Variants in MGMT observed in about 807,000 individuals in gnomAD.
MGMT encodes the protein methylated-DNA--protein-cysteine methyltransferase.
A neutral mutation model predicts 15.9 loss-of-function variants in MGMT; 14 were observed. That is an observed-to-expected ratio of 0.88 (90% CI 0.58 to 1.37). The LOEUF (loss-of-function observed/expected upper bound fraction) is 1.37. MGMT is among the 40% of genes most tolerant of loss of function. The pLI, the probability that MGMT is intolerant of heterozygous loss-of-function variation, is 0.00. For missense variants in MGMT, 282 were observed against 268.1 expected, an observed-to-expected ratio of 1.05 and a Z score of -0.36; for synonymous variants, 130 against 118.2, an observed-to-expected ratio of 1.10 and a Z score of -0.65.
rs532885803 is a variant in MGMT at position 129,707,840 on chromosome 10, G to A, written c.126-55G>A. The A allele has an allele frequency of 2.0e-5, 32 of 1,604,716 alleles. No individual in the cohort carries two copies. The East Asian group carries it at 2.5e-4, about 12-fold the overall frequency. ...AGATGCAGTAGGTGTTTGCTTTTCC[G>A]ATGTGTGGAGGCAGGGCCCAGAGGT... On this transcript the variant is annotated intron_variant, in intron 2 of 4. Coordinates refer to ENST00000651593, the MANE Select transcript of MGMT (RefSeq NM_002412.5).
Position 129,519,518 on chromosome 10 carries a change from C to T in MGMT, c.-12-16723C>T, listed in dbSNP as rs565525263. Reference sequence around the variant, plus strand: ...GGCCTTGCGGTGAGATGGAGCCTGTCGCTCCAGGAGCACGAGACCTTTACG... The same window carrying T: ...GGCCTTGCGGTGAGATGGAGCCTGTTGCTCCAGGAGCACGAGACCTTTACG... On this transcript the variant is annotated intron_variant, in intron 1 of 4. Transcript: ENST00000651593. Among the ~76,000 whole-genome samples, 29 of 152,306 alleles carry T rather than the reference C, an allele frequency of 1.9e-4. No homozygotes were observed. The South Asian group carries it at 4.4e-3, about 23-fold the overall frequency.
At chr10:129,684,360 G>A (rs967072866) in intron 2 of MGMT, among the ~76,000 whole-genome samples, 3 of 152,224 alleles carry the variant, frequency 2.0e-5, no homozygotes, top group African/African-American at 7.2e-5. Context: ...ATTGGGGATA[G>A]AGGGAGATGC....
At chr10:129,684,944 T>TC (rs1389208210) in intron 2 of MGMT, among the ~76,000 whole-genome samples, 7 of 152,252 alleles carry the variant, frequency 4.6e-5, no homozygotes, top group African/African-American at 1.7e-4. Context: ...AGATTCTTTC[T>TC]AAGCGATTTG....
chr10:129,743,366 C>T (rs143049607), intron 3 of MGMT, among the ~76,000 whole-genome samples: 17 of 152,304 alleles, frequency 1.1e-4, no homozygotes, highest in East Asian at 5.8e-4. Context: ...GTCACGCATC[C>T]GTTTTCAGGA....
chr10:129,742,458 G>C (rs973186852), intron 3 of MGMT, among the ~76,000 whole-genome samples: 1 of 151,798 alleles, frequency 6.6e-6, no homozygotes, highest in Non-Finnish European at 1.5e-5. Flanking sequence ...CCTCAGGGCC[G>C]GGGCATTCAG....
At chr10:129,729,710 A>G (rs1848474920) in intron 3 of MGMT, among the ~76,000 whole-genome samples, 1 of 152,214 alleles carries the variant, frequency 6.6e-6, no homozygotes, top group Admixed American at 6.5e-5. Flanking sequence ...GCGTGGCATA[A>G]TCCGTGTCCC....
intron 2 of MGMT, among the ~76,000 whole-genome samples, chr10:129,547,501 T>C (rs1846110202): frequency 6.6e-6 from 1 of 152,182 alleles, no homozygotes; most frequent in Non-Finnish European, 1.5e-5. Context: ...CATTGGTCCT[T>C]CTGCCGGCCT....
At chr10:129,479,565 C>T (rs1257323690) in intron 1 of MGMT, among the ~76,000 whole-genome samples, 1 of 152,050 alleles carries the variant, frequency 6.6e-6, no homozygotes, top group African/African-American at 2.4e-5. Context: ...CAAAGAGAAT[C>T]AGTCATGTTT....
At chr10:129,625,714 C>T (rs1168165922) in intron 2 of MGMT, among the ~76,000 whole-genome samples, 5 of 114,402 alleles carry the variant, frequency 4.4e-5, no homozygotes, top group Non-Finnish European at 9.2e-5. Context: ...AGCGTGTATA[C>T]GAGTGTGCAC....
chr10:129,543,209 C>T (rs1846063319), intron 2 of MGMT, among the ~76,000 whole-genome samples: 1 of 152,068 alleles, frequency 6.6e-6, no homozygotes, highest in Non-Finnish European at 1.5e-5. Context: ...AGCTCTTGGA[C>T]CTTAGTAAAA....
intron 3 of MGMT, among the ~76,000 whole-genome samples, chr10:129,711,339 AT>A (rs1848230584): frequency 6.6e-6 from 1 of 152,222 alleles, no homozygotes; most frequent in Non-Finnish European, 1.5e-5. Context: ...ATCTTGGGGA[AT>A]TTCCAAAGAC....
chr10:129,668,960 A>G (rs1847690048), intron 2 of MGMT, among the ~76,000 whole-genome samples: 1 of 152,110 alleles, frequency 6.6e-6, no homozygotes, highest in Non-Finnish European at 1.5e-5. Flanking sequence ...GCCTTTCCCT[A>G]CAGAAGTCTT....
intron 2 of MGMT, among the ~76,000 whole-genome samples, chr10:129,594,044 A>T (rs1273036761): frequency 6.6e-6 from 1 of 152,194 alleles, no homozygotes; most frequent in Non-Finnish European, 1.5e-5. Context: ...CTAAAGTCAC[A>T]GTTGGCAAGT....
intron 2 of MGMT, among the ~76,000 whole-genome samples, chr10:129,656,525 C>T (rs562506506): frequency 1.5e-4 from 23 of 152,340 alleles, no homozygotes; most frequent in Non-Finnish European, 2.8e-4. Context: ...TAAGGACATG[C>T]GCCTGTGACC....
chr10:129,590,993 G>A (rs927295951), intron 2 of MGMT, among the ~76,000 whole-genome samples: 4 of 152,200 alleles, frequency 2.6e-5, no homozygotes, highest in Non-Finnish European at 4.4e-5. Flanking sequence ...TGACGTAGTC[G>A]TTGGAAGTGT....
chr10:129,720,787 T>C (rs894629559), intron 3 of MGMT, among the ~76,000 whole-genome samples: 2 of 152,152 alleles, frequency 1.3e-5, no homozygotes, highest in Non-Finnish European at 2.9e-5. Context: ...GTCAACCCAT[T>C]TTCAGAGTTT....
chr10:129,652,822 C>T (rs1847477433), intron 2 of MGMT, among the ~76,000 whole-genome samples: 1 of 152,222 alleles, frequency 6.6e-6, no homozygotes, highest in Admixed American at 6.5e-5. Flanking sequence ...TGGGACCCTC[C>T]CAAGCGTGCC....
At chr10:129,501,901 AC>A (rs1460708720) in intron 1 of MGMT, among the ~76,000 whole-genome samples, 1 of 152,032 alleles carries the variant, frequency 6.6e-6, no homozygotes, top group African/African-American at 2.4e-5. Context: ...TTGGTCATGG[AC>A]TTGGTTTGGC....
chr10:129,480,498 A>G (rs1370070795), intron 1 of MGMT, among the ~76,000 whole-genome samples: 1 of 152,220 alleles, frequency 6.6e-6, no homozygotes, highest in Non-Finnish European at 1.5e-5. Context: ...ATATTTGTTA[A>G]TATCACCACC....
Sources: allele counts gnomAD v4.1 joint callset (sites outside exome capture counted in the v4.1 genomes callset), GRCh38; gene constraint gnomAD v4.1.1; transcripts MANE v1.5; gene names NCBI Gene and HGNC (gene_info 2026-07-23, HGNC 2026-07-21).